The following GRIP1 variants were observed in gnomAD, a reference collection of about 807,000 sequenced individuals.
GRIP1 encodes glutamate receptor interacting protein 1, also known as glutamate receptor-interacting protein 1.
GRIP1 carries 45 observed loss-of-function variants against 129.9 expected under a neutral mutation model. The ratio of observed to expected loss-of-function variants is 0.35; its 90% CI spans 0.27 to 0.44. The LOEUF is 0.44. Ranked by LOEUF, GRIP1 falls within the 20% of genes least tolerant of loss-of-function variation. GRIP1 has a pLI of 1.00. For missense variants in GRIP1, 1,196 were observed against 1,396.8 expected (o/e 0.86, Z 2.29); for synonymous variants, 530 against 520.8 (o/e 1.02, Z -0.24).
intron 1 of GRIP1, among the ~76,000 whole-genome samples, chr12:67,020,276 G>A (rs773261589): frequency 3.3e-5 from 5 of 151,982 alleles, no homozygotes; most frequent in African/African-American, 1.2e-4. Flanking sequence ...TTGGTCCTTC[G>A]GCATTTGCAT....
chr12:67,048,511 A>T (rs569658382), intron 1 of GRIP1, among the ~76,000 whole-genome samples: 14 of 152,218 alleles, frequency 9.2e-5, no homozygotes, highest in Admixed American at 9.2e-4. Flanking sequence ...TGAAGGCTAG[A>T]GTGCAGTTGC....
chr12:66,661,087 G>A (rs1323685899), intron 1 of GRIP1, among the ~76,000 whole-genome samples: 2 of 151,954 alleles, frequency 1.3e-5, no homozygotes, highest in South Asian at 2.1e-4. Flanking sequence ...TCCTGGAAAC[G>A]ACAGAAACAT....
At chr12:66,470,448 T>TC (rs5798828) in intron 7 of GRIP1, among the ~76,000 whole-genome samples, 75,768 of 150,886 alleles carry the variant, frequency 0.5, 21,459 homozygotes, top group African/African-American at 0.78. Context: ...TTTTTTTTTT[T>TC]TTTAACAACT....
intron 7 of GRIP1, among the ~76,000 whole-genome samples, chr12:66,484,684 G>T (rs1465721512): frequency 6.6e-6 from 1 of 152,100 alleles, no homozygotes; most frequent in Non-Finnish European, 1.5e-5. Context: ...AAGGAGAAGG[G>T]GCGGGGGTGT....
chr12:66,694,971 A>C (rs1373411865), intron 1 of GRIP1, among the ~76,000 whole-genome samples: 1 of 152,254 alleles, frequency 6.6e-6, no homozygotes, highest in Non-Finnish European at 1.5e-5. Flanking sequence ...GAAGCACTAA[A>C]GTCTTACTGA....
upstream of GRIP1, among the ~76,000 whole-genome samples, chr12:66,680,430 T>G (rs895807818): frequency 5.6e-4 from 86 of 152,324 alleles, 1 homozygote; most frequent in African/African-American, 2.0e-3. Context: ...CTTTAAAGGT[T>G]TTTGAAAAGA....
At chr12:67,054,337 A>G (rs918916640) in intron 1 of GRIP1, among the ~76,000 whole-genome samples, 1 of 152,260 alleles carries the variant, frequency 6.6e-6, no homozygotes, top group Non-Finnish European at 1.5e-5. Flanking sequence ...TTGGGGATAC[A>G]ACAGTAACGA....
At chr12:66,464,958 T>C (rs1180066153) in intron 8 of GRIP1, among the ~76,000 whole-genome samples, 2 of 150,412 alleles carry the variant, frequency 1.3e-5, no homozygotes, top group Non-Finnish European at 1.5e-5. Context: ...TTCTTTCTTT[T>C]TTTTTTTTTG....
At chr12:67,008,609 A>C (rs899761576) in intron 1 of GRIP1, among the ~76,000 whole-genome samples, 1 of 152,144 alleles carries the variant, frequency 6.6e-6, no homozygotes, top group Non-Finnish European at 1.5e-5. Flanking sequence ...CATACTAAAT[A>C]TGTGACCTTG....
intron 2 of GRIP1, among the ~76,000 whole-genome samples, chr12:66,572,492 T>C (rs2062997415): frequency 6.6e-6 from 1 of 152,162 alleles, no homozygotes; most frequent in Non-Finnish European, 1.5e-5. Flanking sequence ...GAGAAAATCA[T>C]ATGGGGTGTT....
At position 66,635,715 on chromosome 12, in the gene GRIP1, C is replaced by T. The variant is rs935789163; in HGVS notation, c.56-38788G>A. Among the ~76,000 whole-genome samples the T allele has an allele frequency of 7.9e-5, 12 of 152,090 alleles. No homozygotes were observed. In the South Asian group the frequency reaches 2.3e-3, roughly 29 times the overall value. ...AAACAAAGGATTAGTATCCAGAATA[C>T]ATAAATAACTTCTAAAAACCAGTAA... On this transcript the variant is annotated intron_variant, in intron 1 of 24. Transcript: ENST00000359742.
intron 1 of GRIP1, among the ~76,000 whole-genome samples, chr12:66,839,956 T>G (rs2039686011): frequency 6.6e-6 from 1 of 152,216 alleles, no homozygotes; most frequent in African/African-American, 2.4e-5. Flanking sequence ...TAGGTAGCCA[T>G]TATAATCAAT....
chr12:66,502,242 T>C (rs2060413368), intron 7 of GRIP1, among the ~76,000 whole-genome samples: 1 of 152,118 alleles, frequency 6.6e-6, no homozygotes, highest in Non-Finnish European at 1.5e-5. Flanking sequence ...AAAAAACCCT[T>C]CTGATTCTAT....
chr12:66,523,742 TAA>T (rs1472710980), intron 5 of GRIP1, among the ~76,000 whole-genome samples: 1 of 152,042 alleles, frequency 6.6e-6, no homozygotes, highest in Non-Finnish European at 1.5e-5. Flanking sequence ...GCAAATTGGA[TAA>T]AGAGTCAAGA....
intron 15 of GRIP1, among the ~76,000 whole-genome samples, chr12:66,419,986 A>G (rs2137825399): frequency 6.6e-6 from 1 of 152,268 alleles, no homozygotes; most frequent in South Asian, 2.1e-4. Context: ...AATCCCAGCT[A>G]CTTGGGAGGC....
At chr12:66,708,269 A>C (rs1253194969) in intron 1 of GRIP1, among the ~76,000 whole-genome samples, 1 of 152,010 alleles carries the variant, frequency 6.6e-6, no homozygotes, top group Non-Finnish European at 1.5e-5. Context: ...ACAGAATTAG[A>C]CACAGCTCCC....
intron 1 of GRIP1, among the ~76,000 whole-genome samples, chr12:66,694,726 T>A (rs1410989356): frequency 6.6e-6 from 1 of 152,196 alleles, no homozygotes; most frequent in Admixed American, 6.5e-5. Context: ...CAACCCACAG[T>A]CACCTAGTAC....
intron 1 of GRIP1, among the ~76,000 whole-genome samples, chr12:66,791,068 G>A (rs1566023902): frequency 6.6e-6 from 1 of 152,198 alleles, no homozygotes; most frequent in Non-Finnish European, 1.5e-5. Context: ...GGAATAAGGT[G>A]ATCGCTGGTG....
At position 66,556,057 on chromosome 12, in the gene GRIP1, T is replaced by C. The variant is rs557852082; in HGVS notation, c.137-14107A>G. The stretch of plus-strand genomic sequence containing the variant: ...TCCCAAACCTAGAGAAATATATCAA[T>C]ATTTAAGTACAAAAAGGTTATAGAA... On this transcript the variant is annotated intron_variant, in intron 2 of 24. Transcript: ENST00000359742. 5.9e-5 allele frequency among the ~76,000 whole-genome samples: 9 copies of C among 152,136 alleles called. No individual in the cohort carries two copies. In the South Asian group the frequency reaches 1.9e-3, roughly 32 times the overall value.
Sources: allele counts gnomAD v4.1 joint callset (sites outside exome capture counted in the v4.1 genomes callset), GRCh38; gene constraint gnomAD v4.1.1; transcripts MANE v1.5; gene names NCBI Gene and HGNC (gene_info 2026-07-23, HGNC 2026-07-21).